Variants in PCDH15 observed in about 807,000 individuals in gnomAD.
PCDH15 encodes protocadherin related 15, also known as protocadherin-15.
A neutral mutation model predicts 178.5 loss-of-function variants in PCDH15; 129 were observed. The observed-to-expected ratio is 0.72, with a 90% CI of 0.63 to 0.84. PCDH15 has a LOEUF of 0.84. Among genes scored for constraint, PCDH15 ranks in the 40% least tolerant of loss-of-function variants. PCDH15 has a pLI of 0.00. For missense variants in PCDH15, 2,230 were observed against 2,099.9 expected, an observed-to-expected ratio of 1.06 and a Z score of -1.21; for synonymous variants, 800 against 732.0, an observed-to-expected ratio of 1.09 and a Z score of -1.50.
chr10:54,933,219 G>A (rs1837826299), intron 2 of PCDH15, among the ~76,000 whole-genome samples: 1 of 152,072 alleles, frequency 6.6e-6, no homozygotes, highest in African/African-American at 2.4e-5. Context: ...ACATTTCTCA[G>A]ACTGTATCTC....
chr10:53,975,219 T>C (rs746853400), intron 21 of PCDH15, among the ~76,000 whole-genome samples: 8 of 152,232 alleles, frequency 5.3e-5, no homozygotes, highest in Non-Finnish European at 1.2e-4. Flanking sequence ...GTCTTAGCTA[T>C]TGTGAAAAGT....
At chr10:54,720,213 T>G (rs1237939809) in intron 1 of PCDH15, among the ~76,000 whole-genome samples, 1 of 152,056 alleles carries the variant, frequency 6.6e-6, no homozygotes, top group African/African-American at 2.4e-5. Flanking sequence ...CAAAGGAATA[T>G]AAATCATTCC....
intron 2 of PCDH15, among the ~76,000 whole-genome samples, chr10:55,472,324 A>G (rs1839974954): frequency 6.6e-6 from 1 of 152,136 alleles, no homozygotes; most frequent in South Asian, 2.1e-4. Flanking sequence ...TTAATCAGGA[A>G]CATGTTGAGA....
intron 2 of PCDH15, among the ~76,000 whole-genome samples, chr10:54,632,442 CATAAA>C (rs1229435549): frequency 2.6e-5 from 4 of 151,994 alleles, no homozygotes; most frequent in South Asian, 2.1e-4. Context: ...AAGCATAAAA[CATAAA>C]ATAAAATAAA....
Position 53,983,400 on chromosome 10 carries a change from C to A in PCDH15, c.2868+12249G>T, listed in dbSNP as rs2090838442. ...ACAGCAGGCGGAACTCTTCATGTAA[C>A]CACTGAGAAAGTCCTGTGCTTTTTT... On this transcript the variant is annotated intron_variant, in intron 21 of 37. Transcript: ENST00000644397. Among the ~76,000 whole-genome samples the A allele has an allele frequency of 2.0e-5, 3 of 150,940 alleles. No homozygotes were observed. The South Asian group carries it at 6.3e-4, about 32-fold the overall frequency.
intron 14 of PCDH15, among the ~76,000 whole-genome samples, chr10:54,150,884 T>C (rs1564539755): frequency 6.6e-6 from 1 of 152,192 alleles, no homozygotes; most frequent in Admixed American, 6.5e-5. Context: ...AAGCATATAA[T>C]ATCAGCTTAT....
rs1488669414 is a variant in PCDH15, at chr10:54,220,856, ATAAATAAATAAATAAG to A, written c.986-6824_986-6809del. Reference sequence around the variant, plus strand: ...AATAAATAAATAAATAAATAAATAAATAAATAAATAAATAAGTAAAATAAATACATCTCCTTGGACA... The same window carrying A: ...AATAAATAAATAAATAAATAAATAAATAAAATAAATACATCTCCTTGGACA... On this transcript the variant is annotated intron_variant, in intron 9 of 37. Transcript: ENST00000644397. 1.7e-3 allele frequency among the ~76,000 whole-genome samples: 255 copies of A among 148,342 alleles called. 1 individual carries two copies. The highest frequency in any genetic ancestry group is 5.5e-3 in the African/African-American group (218 of 39,322).
intron 2 of PCDH15, among the ~76,000 whole-genome samples, chr10:55,340,336 A>C (rs907193126): frequency 6.6e-6 from 1 of 151,798 alleles, no homozygotes; most frequent in African/African-American, 2.4e-5. Context: ...ACATGGAACA[A>C]TGTTGGTTTA....
At chr10:55,044,820 T>C (rs1227745122) in intron 2 of PCDH15, among the ~76,000 whole-genome samples, 1 of 152,118 alleles carries the variant, frequency 6.6e-6, no homozygotes, top group African/African-American at 2.4e-5. Context: ...TGTTATTCAA[T>C]GTGCTAGAAA....
intron 21 of PCDH15, among the ~76,000 whole-genome samples, chr10:53,992,777 T>A (rs1357595169): frequency 6.6e-6 from 1 of 152,194 alleles, no homozygotes; most frequent in African/African-American, 2.4e-5. Flanking sequence ...GTGAACTACA[T>A]AATGTCAACG....
intron 8 of PCDH15, among the ~76,000 whole-genome samples, chr10:54,315,856 TTA>T (rs1158548407): frequency 6.6e-6 from 1 of 152,086 alleles, no homozygotes; most frequent in Non-Finnish European, 1.5e-5. Flanking sequence ...CTTATAAAAA[TTA>T]TGTTTGTCAT....
chr10:54,898,217 C>A (rs925104329), intron 2 of PCDH15, among the ~76,000 whole-genome samples: 2 of 152,124 alleles, frequency 1.3e-5, no homozygotes, highest in South Asian at 4.1e-4. Flanking sequence ...ATTAGCCAGT[C>A]TCAGGTATTT....
chr10:54,749,952 C>T (rs1945986052), intron 1 of PCDH15, among the ~76,000 whole-genome samples: 1 of 151,886 alleles, frequency 6.6e-6, no homozygotes, highest in Non-Finnish European at 1.5e-5. Flanking sequence ...TTTTTAACTT[C>T]CCTGATCTCA....
intron 3 of PCDH15, among the ~76,000 whole-genome samples, chr10:54,407,111 A>C (rs1466085717): frequency 6.6e-6 from 1 of 152,276 alleles, no homozygotes; most frequent in East Asian, 1.9e-4. Flanking sequence ...AGTAATAATT[A>C]CATGAAGTGC....
chr10:54,872,288 C>T (rs956347467), intron 3 of PCDH15, among the ~76,000 whole-genome samples: 2 of 151,764 alleles, frequency 1.3e-5, no homozygotes, highest in Admixed American at 6.6e-5. Flanking sequence ...AAAAAGAGAC[C>T]TAGTCACCTA....
At chr10:55,213,162 G>C (rs1180144120) in intron 1 of PCDH15, among the ~76,000 whole-genome samples, 1 of 152,024 alleles carries the variant, frequency 6.6e-6, no homozygotes, top group East Asian at 1.9e-4. Context: ...TGTATCATCT[G>C]GCATGGTTTT....
At chr10:55,047,912 A>T (rs1389113431) in intron 2 of PCDH15, among the ~76,000 whole-genome samples, 1 of 151,804 alleles carries the variant, frequency 6.6e-6, no homozygotes, top group Non-Finnish European at 1.5e-5. Context: ...TTTAATCAGT[A>T]AGTAAGTGTG....
chr10:54,505,816 C>T lies in PCDH15; in HGVS notation c.157+21996G>A, dbSNP rs540417972. Among the ~76,000 whole-genome samples the T allele has an allele frequency of 8.2e-4, 124 of 152,030 alleles. 1 individual carries two copies. The highest frequency in any genetic ancestry group is 6.8e-3 in the Middle Eastern group (2 of 294). On this transcript the variant is annotated intron_variant, in intron 3 of 37. Coordinates refer to ENST00000644397, the MANE Select transcript of PCDH15 (RefSeq NM_001384140.1). Reference sequence around the variant, plus strand: ...ATAATAATGAAAAAAAGACCAAAGACGTTTTGTGTGTTTAAATTATTCTTA... The same window carrying T: ...ATAATAATGAAAAAAAGACCAAAGATGTTTTGTGTGTTTAAATTATTCTTA...
intron 3 of PCDH15, among the ~76,000 whole-genome samples, chr10:54,436,031 G>GGA (rs753698148): frequency 0.21 from 7,236 of 34,414 alleles, 274 homozygotes; most frequent in Middle Eastern, 0.31. Flanking sequence ...GGAGAGGAGA[G>GGA]GAGAGAGAGA....
Sources: gnomAD v4.1 joint callset for allele counts (sites outside exome capture counted in the v4.1 genomes callset) on GRCh38, gnomAD v4.1.1 for gene constraint, MANE v1.5 for transcripts, NCBI Gene and HGNC (gene_info 2026-07-23, HGNC 2026-07-21) for gene names.